Variants in SLC25A23 observed in about 807,000 individuals in gnomAD.
SLC25A23 encodes solute carrier family 25 member 23.
Under a neutral mutation model 53.9 loss-of-function variants are expected in SLC25A23, and 32 were observed. The ratio of observed to expected loss-of-function variants is 0.59; its 90% CI spans 0.45 to 0.80. SLC25A23 has a LOEUF of 0.80. SLC25A23 is among the 30% of genes least tolerant of loss of function. SLC25A23 has a pLI of 0.00. For synonymous variants in SLC25A23, 275 were observed against 264.5 expected (o/e 1.04, Z -0.38); for missense variants, 575 against 651.4 (o/e 0.88, Z 1.28).
rs376972721 is a variant in SLC25A23, at chr19:6,456,356, G to A, written c.483+64C>T. On this transcript the variant is annotated intron_variant, in intron 4 of 9. Transcript: ENST00000301454. ...AGCCCATCCAAGCCCTGGGGAGATC[G>A]GAGCAAGGCCCCCCTGGGGAAGAGG... The A allele has an allele frequency of 3.4e-4, 509 of 1,514,608 alleles. 4 individuals carry two copies. In the East Asian group the frequency reaches 9.7e-3, roughly 29 times the overall value. The allele number at this position is 1,514,608 out of a possible 1,614,324, so 93.8% of individuals were successfully genotyped here.
rs775275908 is a variant in SLC25A23 at position 6,454,460 on chromosome 19, T to G, written c.658A>C (p.Thr220Pro). The change falls in exon 6 of 10, where the codon ACC becomes CCC. Residue 220 changes from threonine (T) to proline (P), a missense_variant. Physicochemically the swap from Thr to Pro is conservative, Grantham distance 38. Transcript: ENST00000301454. This position sits in a 1 kb window ranked among gnomAD's most constrained non-coding sequence, Gnocchi z 4.3. ...CCCCCAAGGATGTTCAGCCGGTTGG[T>G]CTTTGAGGCATGGACCTGAATGGGG... ...KVFMQVHASK[T>P]NRLNILGGLR... 6.2e-7 allele frequency: 1 copy of G among 1,614,046 alleles called. No individual in the cohort carries two copies. The highest frequency in any genetic ancestry group is 1.7e-5 in the Admixed American group (1 of 60,018).
chr19:6,448,611 C>A (rs1036278504), intron 8 of SLC25A23, among the ~76,000 whole-genome samples: 1 of 151,030 alleles, frequency 6.6e-6, no homozygotes, highest in African/African-American at 2.4e-5. Context: ...GCTGGGATTA[C>A]AGGTGCCCAC....
rs776912080 is a variant in SLC25A23 at position 6,459,745 on chromosome 19, A to G, written c.-117T>C. On this transcript the variant is annotated 5_prime_UTR_variant, in exon 1 of 10. Coordinates refer to ENST00000301454, the MANE Select transcript of SLC25A23 (RefSeq NM_024103.3). This position sits in a 1 kb window ranked among gnomAD's most constrained non-coding sequence, Gnocchi z 4.6. ...CAGCTCCCGCGGCCGCCGGCTCCGC[A>G]GCCTCCGCGCAGTCCGCTCGGCTCT... The G allele has an allele frequency of 2.4e-3, 2,120 of 872,358 alleles. 7 individuals are homozygous for G. The highest frequency in any genetic ancestry group is 3.0e-3 in the Non-Finnish European group (2,020 of 672,024). 54.0% of individuals were successfully genotyped at this position (872,358 alleles called of 1,614,324 possible).
At chr19:6,444,330 T>TGGTTG in intron 8 of SLC25A23, 29 bp from the exon 9 acceptor site, 1 of 837,680 alleles carries the variant, frequency 1.2e-6, no homozygotes, top group Non-Finnish European at 1.9e-6. Context: ...TAGGGAGGGT[T>TGGTTG]GGGGTGGGTG....
chr19:6,456,268 G>C, intron 4 of SLC25A23, 152 bp downstream of exon 4: 2 of 938,430 alleles, frequency 2.1e-6, no homozygotes, highest in Non-Finnish European at 1.6e-6. Flanking sequence ...TGGAGGAAGA[G>C]AGGAACAGAC....
downstream of SLC25A23, among the ~76,000 whole-genome samples, chr19:6,439,168 C>T (rs549284791): frequency 7.2e-4 from 109 of 151,264 alleles, no homozygotes; most frequent in African/African-American, 2.6e-3. Context: ...TGCAGTGAGC[C>T]GAGATCGCAC....
intron 9 of SLC25A23, 42 bp downstream of exon 9, chr19:6,444,109 C>A: frequency 1.3e-6 from 2 of 1,487,806 alleles, no homozygotes; most frequent in Non-Finnish European, 1.8e-6. Context: ...GGGGCCCAAG[C>A]GATGAGACTC....
In SLC25A23 at chr19:6,458,232, C is replaced by A; in HGVS notation, c.249G>T (p.Leu83=). The A allele has an allele frequency of 6.2e-7, 1 of 1,613,726 alleles. No individual in the cohort carries two copies. The highest frequency in any genetic ancestry group is 8.5e-7 in the Non-Finnish European group (1 of 1,179,994). ...TCCGGTCAAGACTGTGAAACATGAG[C>A]AGCAGACGCTGTTCCCGCTCCTGCA... ...RYLQEREQRL[L]LMFHSLDRNQ... Residue 83 remains leucine, a synonymous_variant, in exon 2 of 10, where the codon CTG becomes CTT. Coordinates refer to ENST00000301454, the MANE Select transcript of SLC25A23 (RefSeq NM_024103.3).
intron 4 of SLC25A23, chr19:6,456,176 C>T: frequency 7.5e-7 from 1 of 1,326,588 alleles, no homozygotes. Context: ...CACGCTGTCC[C>T]CAGAGGCCCC....
chr19:6,452,974 G>A (rs188801086), intron 7 of SLC25A23, among the ~76,000 whole-genome samples: 2 of 152,310 alleles, frequency 1.3e-5, no homozygotes, highest in Non-Finnish European at 2.9e-5. Flanking sequence ...ATGTCACTAT[G>A]TCCTAGCCAA....
In SLC25A23 at chr19:6,456,409, C is replaced by T. The variant is rs1568377559; in HGVS notation, c.483+11G>A. 1 of 1,612,982 alleles carries T rather than the reference C, an allele frequency of 6.2e-7. No individual in the cohort carries two copies. Among genetic ancestry groups the T allele is most frequent in the African/African-American group, 1.3e-5 (1 of 75,028 alleles). On this transcript the variant is annotated intron_variant, in intron 4 of 9. Coordinates refer to ENST00000301454, the MANE Select transcript of SLC25A23 (RefSeq NM_024103.3). ...ACAGCCTTCAGCTGGGGAAAGCCAC[C>T]CCCACCTCACCGTGGAATGCTTCCA...
chr19:6,442,257 G>A (rs1274103242), intron 9 of SLC25A23, 98 bp from the exon 10 acceptor site: 1 of 777,206 alleles, frequency 1.3e-6, no homozygotes, highest in Non-Finnish European at 2.0e-6. Context: ...CATTGCAGCA[G>A]GAGGGAAGGA....
At chr19:6,457,061 CTTTCT>C (rs2092692398) in intron 3 of SLC25A23, among the ~76,000 whole-genome samples, 1 of 135,864 alleles carries the variant, frequency 7.4e-6, no homozygotes, top group South Asian at 2.2e-4. Flanking sequence ...TTGAATTTTT[CTTTCT>C]TTTTTTTTTT....
chr19:6,452,912 A>C (rs1330721931), intron 7 of SLC25A23, among the ~76,000 whole-genome samples: 2 of 152,194 alleles, frequency 1.3e-5, no homozygotes, highest in African/African-American at 4.8e-5. Context: ...CAGCAAGCAC[A>C]CAGCCACTAG....
At chr19:6,455,686 A>G (rs1048294360) in intron 4 of SLC25A23, among the ~76,000 whole-genome samples, 4 of 143,310 alleles carry the variant, frequency 2.8e-5, no homozygotes, top group Non-Finnish European at 6.0e-5. Context: ...AGTGGCTCCC[A>G]TTGGATCCTC....
In SLC25A23 at chr19:6,454,203, G is replaced by T; in HGVS notation, c.796-115C>A. On this transcript the variant is annotated intron_variant, in intron 6 of 9. Transcript: ENST00000301454. The surrounding 1 kb of genome is among the most constrained non-coding windows in gnomAD (Gnocchi z 4.3). The stretch of plus-strand genomic sequence containing the variant: ...TTGCTGCAGGCATTCATGCAGAGGA[G>T]CAGATGCCTGATCCTGGGGACCTGT... The T allele has an allele frequency of 6.7e-7, 1 of 1,492,518 alleles. No individual in the cohort carries two copies. The highest frequency in any genetic ancestry group is 9.1e-7 in the Non-Finnish European group (1 of 1,097,122). 92.5% of individuals were successfully genotyped at this position (1,492,518 alleles called of 1,614,324 possible).
chr19:6,457,741 G>C, intron 2 of SLC25A23, 151 bp from the exon 3 acceptor site: 1 of 651,258 alleles, frequency 1.5e-6, no homozygotes, highest in Non-Finnish European at 2.7e-6. Flanking sequence ...AGGGCTGTGG[G>C]GGGACCCCTG....
In SLC25A23 at chr19:6,453,963, G is replaced by A. The variant is rs372666594; in HGVS notation, c.903+18C>T. ...CCCACCCTGCCATGGGGCCTCCGCT[G>A]GGGTCCCTCCTTCTCACCTCCATAG... On this transcript the variant is annotated intron_variant, in intron 7 of 9. Coordinates refer to ENST00000301454, the MANE Select transcript of SLC25A23 (RefSeq NM_024103.3). The A allele has an allele frequency of 1.9e-6, 3 of 1,600,464 alleles. No homozygotes were observed. The highest frequency in any genetic ancestry group is 2.6e-6 in the Non-Finnish European group (3 of 1,171,886).
rs2092732187 is a variant in SLC25A23 at position 6,459,545 on chromosome 19, G to C, written c.84C>G (p.Arg28=). The change falls in exon 1 of 10, where the codon CGC becomes CGG. Residue 28 remains arginine (R), a synonymous_variant. Coordinates refer to ENST00000301454, the MANE Select transcript of SLC25A23 (RefSeq NM_024103.3). The surrounding 1 kb of genome is among the most constrained non-coding windows in gnomAD (Gnocchi z 4.6). ...FEELDSNKDG[R]VDVHELRQGL... ...CCTGGCGCAACTCGTGCACGTCCAC[G>C]CGGCCATCCTTGTTACTGTCCAGCT... The C allele has an allele frequency of 2.5e-6, 4 of 1,599,124 alleles. No individual in the cohort carries two copies. In the East Asian group the frequency reaches 9.1e-5, roughly 36 times the overall value.
Sources: allele counts gnomAD v4.1 joint callset (sites outside exome capture counted in the v4.1 genomes callset), GRCh38; gene constraint gnomAD v4.1.1; non-coding constraint Gnocchi (gnomAD v3.1); transcripts MANE v1.5; gene names NCBI Gene and HGNC (gene_info 2026-07-23, HGNC 2026-07-21).